CUX2: variants seen among roughly 807,000 people sequenced by gnomAD.
CUX2 encodes cut like homeobox 2.
A neutral mutation model predicts 144.8 loss-of-function variants in CUX2; 40 were observed. That is an observed-to-expected ratio of 0.28 (90% confidence interval 0.21 to 0.36). CUX2 has a LOEUF of 0.36. Ranked by LOEUF, CUX2 falls within the 10% of genes least tolerant of loss-of-function variation. The probability of loss-of-function intolerance (pLI) is 1.00; values close to 1 mark genes in which losing one functional copy is unlikely to be tolerated. For missense variants in CUX2, 1,615 were observed against 1,994.0 expected, an observed-to-expected ratio of 0.81 and a Z score of 3.62; for synonymous variants, 827 against 875.6, an observed-to-expected ratio of 0.94 and a Z score of 0.98.
At chr12:111,213,980 C>T (rs1881377140) in intron 1 of CUX2, among the ~76,000 whole-genome samples, 1 of 151,546 alleles carries the variant, frequency 6.6e-6, no homozygotes, top group African/African-American at 2.4e-5. Context: ...GCCTGACTTC[C>T]GACGAGCAAA....
chr12:111,139,649 A>G (rs1222315187), intron 1 of CUX2, among the ~76,000 whole-genome samples: 1 of 152,152 alleles, frequency 6.6e-6, no homozygotes, highest in Non-Finnish European at 1.5e-5. Flanking sequence ...TATCATGAAC[A>G]CCTGATTGAC....
chr12:111,058,682 C>G (rs1425802441), intron 1 of CUX2, among the ~76,000 whole-genome samples: 1 of 152,092 alleles, frequency 6.6e-6, no homozygotes, highest in African/African-American at 2.4e-5. Flanking sequence ...TGCACCCTTG[C>G]AGATAGTGGT....
chr12:111,183,992 G>A (rs543693623), intron 1 of CUX2, among the ~76,000 whole-genome samples: 5 of 152,080 alleles, frequency 3.3e-5, no homozygotes, highest in East Asian at 1.9e-4. Context: ...CACTTCAATC[G>A]TCCGTATCCT....
chr12:111,112,129 TCTCTC>T (rs1874012154), intron 1 of CUX2, among the ~76,000 whole-genome samples: 1 of 152,078 alleles, frequency 6.6e-6, no homozygotes, highest in Admixed American at 6.6e-5. Flanking sequence ...GGCCAATTGA[TCTCTC>T]CTCTCACAAG....
rs564147019 is a variant in CUX2, at chr12:111,338,078, G to A, written c.3197-208G>A. On this transcript the variant is annotated intron_variant, in intron 19 of 21. Transcript: ENST00000261726. ...AAGCTCTTTTGTTGGTTGCTGCCTC[G>A]TCCTGCCCCCAAATCTCTTTTACAG... Among the ~76,000 whole-genome samples, 154 of 151,380 alleles carry A rather than the reference G, an allele frequency of 1.0e-3. 4 individuals carry two copies. Among genetic ancestry groups the A allele is most frequent in the Middle Eastern group, 3.5e-3 (1 of 288 alleles).
intron 9 of CUX2, among the ~76,000 whole-genome samples, chr12:111,303,925 T>TG (rs905811449): frequency 2.0e-5 from 3 of 152,196 alleles, no homozygotes; most frequent in Non-Finnish European, 2.9e-5. Flanking sequence ...CTGACTCCTC[T>TG]GGGGGTCCCA....
intron 1 of CUX2, among the ~76,000 whole-genome samples, chr12:111,187,405 A>G (rs1879613541): frequency 1.3e-5 from 2 of 151,736 alleles, no homozygotes; most frequent in South Asian, 2.1e-4. Context: ...CACCTCTTCC[A>G]TGACCCTCCC....
chr12:111,294,200 C>T (rs777881415), intron 6 of CUX2, among the ~76,000 whole-genome samples: 5 of 152,142 alleles, frequency 3.3e-5, no homozygotes, highest in Non-Finnish European at 4.4e-5. Context: ...CTCCACGTTC[C>T]GGGTTTAAGC....
intron 3 of CUX2, among the ~76,000 whole-genome samples, chr12:111,220,649 G>A (rs1453389178): frequency 7.1e-6 from 1 of 140,410 alleles, no homozygotes; most frequent in Non-Finnish European, 1.5e-5. Context: ...ACTCATGCCT[G>A]TAATCTCAGC....
intron 1 of CUX2, among the ~76,000 whole-genome samples, chr12:111,121,991 T>C (rs1426595955): frequency 1.3e-5 from 2 of 152,060 alleles, no homozygotes; most frequent in African/African-American, 4.8e-5. Flanking sequence ...ACAGCTCATA[T>C]CAAAACACCA....
Position 111,178,861 on chromosome 12 carries a change from G to C in CUX2, c.64-35339G>C, listed in dbSNP as rs1044793458. Among the ~76,000 whole-genome samples, 1 of 152,156 alleles carries C rather than the reference G, an allele frequency of 6.6e-6. No homozygotes were observed. Among genetic ancestry groups the C allele is most frequent in the African/African-American group, 2.4e-5 (1 of 41,436 alleles). ...TATCCCAGGGCTGAGCTGGAAGACCGTGTGCATGTGCCAGGTCCAGGAGCG... is the reference window on the plus strand; with the variant it reads ...TATCCCAGGGCTGAGCTGGAAGACCCTGTGCATGTGCCAGGTCCAGGAGCG... On this transcript the variant is annotated intron_variant, in intron 1 of 21. Transcript: ENST00000261726. The surrounding 1 kb of genome is among the most constrained non-coding windows in gnomAD (Gnocchi z 5.7).
At chr12:111,229,205 A>T (rs558476636) in intron 3 of CUX2, among the ~76,000 whole-genome samples, 87 of 152,294 alleles carry the variant, frequency 5.7e-4, no homozygotes, top group African/African-American at 2.0e-3. Flanking sequence ...GTACAGTTGC[A>T]CCCAGAAAGG....
At chr12:111,111,970 A>C (rs566089995) in intron 1 of CUX2, among the ~76,000 whole-genome samples, 1 of 152,276 alleles carries the variant, frequency 6.6e-6, no homozygotes, top group South Asian at 2.1e-4. Flanking sequence ...GTTTCTCAGG[A>C]AGTCCCTGTG....
intron 4 of CUX2, among the ~76,000 whole-genome samples, chr12:111,275,541 G>A (rs990756991): frequency 4.6e-5 from 7 of 152,284 alleles, no homozygotes; most frequent in South Asian, 2.1e-4. Flanking sequence ...AACCTGCATC[G>A]CTGGCTCCAG....
At chr12:111,122,889 A>G (rs528883522) in intron 1 of CUX2, among the ~76,000 whole-genome samples, 1 of 152,346 alleles carries the variant, frequency 6.6e-6, no homozygotes, top group South Asian at 2.1e-4. Context: ...AACAATAATT[A>G]TTAAAGAAAG....
chr12:111,109,708 A>G (rs1873822348), intron 1 of CUX2, among the ~76,000 whole-genome samples: 1 of 152,214 alleles, frequency 6.6e-6, no homozygotes, highest in Non-Finnish European at 1.5e-5. Context: ...TTGGTAGTCC[A>G]CAGTGGATAG....
intron 1 of CUX2, among the ~76,000 whole-genome samples, chr12:111,055,439 C>T (rs1870472080): frequency 6.6e-6 from 1 of 152,272 alleles, no homozygotes; most frequent in South Asian, 2.1e-4. Flanking sequence ...GGAGGATATC[C>T]TCTTCAGCCT....
rs747750172 is a variant in CUX2, at chr12:111,287,695, C to G, written c.302-3723C>G. On this transcript the variant is annotated intron_variant, in intron 4 of 21. Coordinates refer to ENST00000261726, the MANE Select transcript of CUX2 (RefSeq NM_015267.4). This position sits in a 1 kb window ranked among gnomAD's most constrained non-coding sequence, Gnocchi z 4.2. Reference sequence around the variant, plus strand: ...AATGACGGGGCGTGGGGGCTGCCGGCAGATGAAAGCCACCGCCGCCTTCCC... The same window carrying G: ...AATGACGGGGCGTGGGGGCTGCCGGGAGATGAAAGCCACCGCCGCCTTCCC... Among the ~76,000 whole-genome samples, 21 of 152,226 alleles carry G rather than the reference C, an allele frequency of 1.4e-4. No individual in the cohort carries two copies. Among genetic ancestry groups the G allele is most frequent in the Non-Finnish European group, 2.6e-4 (18 of 68,038 alleles).
At chr12:111,133,503 G>A (rs912997767) in intron 1 of CUX2, among the ~76,000 whole-genome samples, 1 of 152,158 alleles carries the variant, frequency 6.6e-6, no homozygotes, top group Non-Finnish European at 1.5e-5. Flanking sequence ...CAGATCTCAT[G>A]AGAGTTACTA....
Sources: gnomAD v4.1 joint callset for allele counts (sites outside exome capture counted in the v4.1 genomes callset) on GRCh38, gnomAD v4.1.1 for gene constraint, Gnocchi (gnomAD v3.1) non-coding constraint, MANE v1.5 for transcripts, NCBI Gene and HGNC (gene_info 2026-07-23, HGNC 2026-07-21) for gene names.